Variants in DGKG observed in about 807,000 individuals in gnomAD.
DGKG encodes the protein diacylglycerol kinase gamma.
A neutral mutation model predicts 105.3 loss-of-function variants in DGKG; 78 were observed. The observed-to-expected ratio is 0.74, with a 90% confidence interval of 0.62 to 0.89. DGKG has a LOEUF of 0.89. Ranked by LOEUF, DGKG falls within the 40% of genes least tolerant of loss-of-function variation. DGKG has a pLI of 0.00. For missense variants in DGKG, 958 were observed against 1,020.1 expected, an observed-to-expected ratio of 0.94 and a Z score of 0.83; for synonymous variants, 346 against 367.1, an observed-to-expected ratio of 0.94 and a Z score of 0.66.
intron 20 of DGKG, among the ~76,000 whole-genome samples, chr3:186,220,861 G>A (rs1489705150): frequency 6.6e-6 from 1 of 152,190 alleles, no homozygotes; most frequent in Non-Finnish European, 1.5e-5. Context: ...ATAAGACAGT[G>A]TGTTTCTGCG....
intron 1 of DGKG, among the ~76,000 whole-genome samples, chr3:186,348,567 T>C (rs1473726525): frequency 6.7e-6 from 1 of 149,554 alleles, no homozygotes; most frequent in African/African-American, 2.5e-5. Flanking sequence ...TCCTTCCACC[T>C]CAGCCTCCCA....
At chr3:186,168,366 T>C (rs1326744477) in intron 22 of DGKG, among the ~76,000 whole-genome samples, 1 of 151,986 alleles carries the variant, frequency 6.6e-6, no homozygotes, top group African/African-American at 2.4e-5. Flanking sequence ...GAACATATAA[T>C]ATAAGCACTC....
chr3:186,298,033 G>A, intron 4 of DGKG, 31 bp downstream of exon 4: 1 of 1,585,196 alleles, frequency 6.3e-7, no homozygotes, highest in Admixed American at 1.8e-5. Context: ...GCTGCGCAAG[G>A]TCTTCCCATC....
intron 24 of DGKG, chr3:186,158,418 CT>C: frequency 1.0e-6 from 1 of 982,810 alleles, no homozygotes; most frequent in Non-Finnish European, 1.2e-6. Context: ...TCATAAATCT[CT>C]TGTTGTTTAG....
At chr3:186,188,134 T>G in intron 22 of DGKG, 68 bp downstream of exon 22, 3 of 1,573,490 alleles carry the variant, frequency 1.9e-6, no homozygotes, top group Non-Finnish European at 2.6e-6. Context: ...CGAGGCCTGC[T>G]GACATCCACC....
chr3:186,317,538 T>C (rs1406623392), intron 2 of DGKG, among the ~76,000 whole-genome samples: 1 of 152,192 alleles, frequency 6.6e-6, no homozygotes, highest in East Asian at 1.9e-4. Flanking sequence ...ACACATGCTC[T>C]GGGCTCCAGC....
intron 1 of DGKG, among the ~76,000 whole-genome samples, chr3:186,345,560 A>C (rs1214327125): frequency 6.6e-6 from 1 of 152,158 alleles, no homozygotes; most frequent in Non-Finnish European, 1.5e-5. Context: ...TTGTCTTCTA[A>C]ATTTAAGTGT....
At chr3:186,197,133 G>A (rs771386611) in intron 21 of DGKG, among the ~76,000 whole-genome samples, 4 of 152,112 alleles carry the variant, frequency 2.6e-5, no homozygotes, top group African/African-American at 7.2e-5. Flanking sequence ...CTTTCTCAGC[G>A]AGTGAGAGAG....
chr3:186,289,549 A>T (rs1723223834), intron 5 of DGKG, among the ~76,000 whole-genome samples: 1 of 152,174 alleles, frequency 6.6e-6, no homozygotes, highest in Non-Finnish European at 1.5e-5. Context: ...CAGAAATATA[A>T]GCTCTATTAC....
At chr3:186,194,157 G>A (rs1433409821) in intron 21 of DGKG, among the ~76,000 whole-genome samples, 3 of 152,258 alleles carry the variant, frequency 2.0e-5, no homozygotes, top group Admixed American at 1.3e-4. Context: ...CCTGAGCCAC[G>A]GGTGGTTGGT....
chr3:186,258,119 G>A (rs1721574101), intron 16 of DGKG, among the ~76,000 whole-genome samples, 180 bp from the exon 17 acceptor site: 2 of 152,312 alleles, frequency 1.3e-5, no homozygotes, highest in South Asian at 4.1e-4. Context: ...CCTTGAATAT[G>A]GAGCCAAGGC....
At chr3:186,151,776 G>A (rs2108467015) in intron 24 of DGKG, among the ~76,000 whole-genome samples, 1 of 152,246 alleles carries the variant, frequency 6.6e-6, no homozygotes, top group South Asian at 2.1e-4. Context: ...TGGCTAAGAG[G>A]GCACTACTGT....
intron 21 of DGKG, among the ~76,000 whole-genome samples, chr3:186,208,126 C>T (rs989312216): frequency 2.6e-5 from 4 of 152,094 alleles, no homozygotes; most frequent in African/African-American, 9.7e-5. Flanking sequence ...ACTGCAACCT[C>T]TGCCTCCCAG....
intron 7 of DGKG, among the ~76,000 whole-genome samples, chr3:186,281,895 T>C (rs1159494953): frequency 6.6e-6 from 1 of 152,184 alleles, no homozygotes; most frequent in Admixed American, 6.5e-5. Flanking sequence ...TCAGGCCACA[T>C]TTGGATACTT....
At chr3:186,273,209 G>A (rs947842384) in intron 10 of DGKG, among the ~76,000 whole-genome samples, 1 of 152,056 alleles carries the variant, frequency 6.6e-6, no homozygotes, top group African/African-American at 2.4e-5. Context: ...CACGTGTCTG[G>A]GTCAGAGTAG....
chr3:186,150,144 AG>A lies in DGKG; in HGVS notation c.2321del (p.Pro774LeufsTer10), dbSNP rs777822805. 1 of 1,613,602 alleles carries A rather than the reference AG, an allele frequency of 6.2e-7. No homozygotes were observed. Among genetic ancestry groups the A allele is most frequent in the East Asian group, 2.2e-5 (1 of 44,850 alleles). On this transcript the variant is annotated frameshift_variant, in exon 25 of 25. Transcript: ENST00000265022. LOFTEE classifies it high-confidence loss of function. The part of the protein sequence containing the change: ...HKNQAPMMMG[P>X]PQKSSFFSLR... ...ACGAGAAGAAGCTGCTCTTCTGGGG[AG>A]GCCCCATCATCATGGGCGCTTGGTT...
chr3:186,327,038 T>A (rs1346550873), intron 1 of DGKG, among the ~76,000 whole-genome samples: 1 of 152,010 alleles, frequency 6.6e-6, no homozygotes, highest in Non-Finnish European at 1.5e-5. Context: ...GTGGTGTGCA[T>A]CTGTGGTCCC....
intron 5 of DGKG, among the ~76,000 whole-genome samples, chr3:186,295,064 G>C (rs146039118): frequency 3.3e-5 from 5 of 152,148 alleles, no homozygotes; most frequent in Non-Finnish European, 5.9e-5. Context: ...CTGAAAACTC[G>C]ATAATCCTTC....
At chr3:186,341,809 A>G (rs1726100542) in intron 1 of DGKG, among the ~76,000 whole-genome samples, 1 of 152,248 alleles carries the variant, frequency 6.6e-6, no homozygotes, top group Non-Finnish European at 1.5e-5. Context: ...AATGTGGCAC[A>G]TATACACCAT....
Sources: allele counts gnomAD v4.1 joint callset (sites outside exome capture counted in the v4.1 genomes callset), GRCh38; gene constraint gnomAD v4.1.1; transcripts MANE v1.5; gene names NCBI Gene and HGNC (gene_info 2026-07-23, HGNC 2026-07-21).